The following CERS3 variants were observed in gnomAD, a reference collection of about 807,000 sequenced individuals.
CERS3 encodes ceramide synthase 3.
CERS3 carries 33 observed loss-of-function variants against 50.3 expected under a neutral mutation model. The ratio of observed to expected loss-of-function variants is 0.66; its 90% confidence interval spans 0.50 to 0.88. The LOEUF is 0.88. Among genes scored for constraint, CERS3 ranks in the 40% least tolerant of loss-of-function variants. The pLI is 0.00. For synonymous variants in CERS3, 176 were observed against 155.2 expected (o/e 1.13, Z -0.99); for missense variants, 470 against 460.3 (o/e 1.02, Z -0.19).
intron 11 of CERS3, among the ~76,000 whole-genome samples, chr15:100,430,749 A>G (rs2033085232): frequency 1.3e-5 from 2 of 152,246 alleles, no homozygotes; most frequent in South Asian, 4.1e-4. Flanking sequence ...TTTCTGAACT[A>G]CTAGCAAAGT....
intron 2 of CERS3, among the ~76,000 whole-genome samples, chr15:100,513,241 G>A (rs2036397643): frequency 6.6e-6 from 1 of 152,092 alleles, no homozygotes; most frequent in Admixed American, 6.5e-5. Flanking sequence ...TCTTAGAAAT[G>A]CTCCAGGCGG....
intron 4 of CERS3, among the ~76,000 whole-genome samples, chr15:100,486,980 T>C (rs147633600): frequency 3.2e-4 from 49 of 152,296 alleles, no homozygotes; most frequent in African/African-American, 1.1e-3. Flanking sequence ...GTCGAAGCTT[T>C]TTTTTTCTAT....
At position 100,469,415 on chromosome 15, in the gene CERS3, T is replaced by A. The variant is rs114499429; in HGVS notation, c.808A>T (p.Ile270Leu). The change falls in exon 10 of 12, where the codon ATA (isoleucine) becomes TTA (leucine). Residue 270 changes from isoleucine to leucine, a missense_variant. By Grantham distance (5) the Ile-to-Leu change is conservative. Coordinates refer to ENST00000679737, the MANE Select transcript of CERS3 (RefSeq NM_001378789.1). Reference sequence around the variant, plus strand: ...ACAATGAGGCGGCTGATGAAAAATATGGTGGAGAAGATGAAAAACAGGGTG... The same window carrying A: ...ACAATGAGGCGGCTGATGAAAAATAAGGTGGAGAAGATGAAAAACAGGGTG... ...CNTLFFIFST[I>L]FFISRLIVFP... 9.0e-5 allele frequency: 145 copies of A among 1,614,024 alleles called. 1 individual carries two copies. The East Asian group carries it at 3.2e-3, about 36-fold the overall frequency.
At chr15:100,418,195 A>T (rs1364320964) in intron 11 of CERS3, among the ~76,000 whole-genome samples, 1 of 152,082 alleles carries the variant, frequency 6.6e-6, no homozygotes, top group African/African-American at 2.4e-5. Context: ...AAAATTTAGA[A>T]GAATGTGTAA....
intron 2 of CERS3, among the ~76,000 whole-genome samples, chr15:100,505,153 T>G (rs772308750): frequency 2.0e-5 from 3 of 152,148 alleles, no homozygotes; most frequent in Admixed American, 6.5e-5. Context: ...ATTTAATAGA[T>G]AAGGACTCAG....
intron 11 of CERS3, among the ~76,000 whole-genome samples, chr15:100,448,345 G>T (rs567580015): frequency 7.2e-5 from 11 of 152,262 alleles, no homozygotes; most frequent in African/African-American, 2.4e-4. Context: ...AAAAAGGAAA[G>T]GGAAGCCAAG....
At chr15:100,490,022 T>A (rs2035605657) in intron 4 of CERS3, among the ~76,000 whole-genome samples, 1 of 152,214 alleles carries the variant, frequency 6.6e-6, no homozygotes, top group Non-Finnish European at 1.5e-5. Context: ...CCTAGAACTG[T>A]GTTAGCATAT....
intron 11 of CERS3, among the ~76,000 whole-genome samples, chr15:100,453,212 G>T (rs750279067): frequency 6.6e-6 from 1 of 151,932 alleles, no homozygotes; most frequent in South Asian, 2.1e-4. Flanking sequence ...AAATACTACA[G>T]GTCAATATCC....
intron 3 of CERS3, among the ~76,000 whole-genome samples, chr15:100,494,295 T>C (rs1459555710): frequency 1.4e-5 from 2 of 145,392 alleles, no homozygotes; most frequent in Non-Finnish European, 3.0e-5. Context: ...TCGCCCAGGC[T>C]GGAGTGCAGT....
intron 11 of CERS3, among the ~76,000 whole-genome samples, chr15:100,442,319 A>C (rs2033716568): frequency 6.6e-6 from 1 of 152,208 alleles, no homozygotes; most frequent in African/African-American, 2.4e-5. Context: ...CCAACATTAA[A>C]TAAAACTCCA....
At chr15:100,497,055 A>G (rs1403401569) in intron 3 of CERS3, among the ~76,000 whole-genome samples, 3 of 152,204 alleles carry the variant, frequency 2.0e-5, no homozygotes, top group African/African-American at 7.2e-5. Flanking sequence ...AAAAGAAGAA[A>G]GAAAAGGTCT....
chr15:100,479,805 G>A (rs1052633422), intron 6 of CERS3, among the ~76,000 whole-genome samples, 184 bp downstream of exon 6: 2 of 152,006 alleles, frequency 1.3e-5, no homozygotes, highest in African/African-American at 4.8e-5. Flanking sequence ...TTGTATTATT[G>A]CTTCTGCAGC....
At chr15:100,509,266 A>G (rs1252095555) in intron 2 of CERS3, among the ~76,000 whole-genome samples, 2 of 152,242 alleles carry the variant, frequency 1.3e-5, no homozygotes, top group Non-Finnish European at 2.9e-5. Context: ...TTGGGCCACA[A>G]GTTTATCACT....
chr15:100,435,972 C>A (rs910828274), intron 11 of CERS3, among the ~76,000 whole-genome samples: 3 of 152,136 alleles, frequency 2.0e-5, no homozygotes, highest in Non-Finnish European at 2.9e-5. Context: ...AGTTAGGAAA[C>A]AACAGATGCT....
At chr15:100,485,370 G>C (rs1012216728) in intron 4 of CERS3, among the ~76,000 whole-genome samples, 1 of 152,186 alleles carries the variant, frequency 6.6e-6, no homozygotes, top group African/African-American at 2.4e-5. Context: ...CAATATGAAT[G>C]ATAGATCTGC....
At chr15:100,414,507 C>T (rs1259195851) in intron 11 of CERS3, among the ~76,000 whole-genome samples, 1 of 152,144 alleles carries the variant, frequency 6.6e-6, no homozygotes, top group Non-Finnish European at 1.5e-5. Context: ...CTGGAGGAAT[C>T]ATGCTACCTG....
At chr15:100,440,475 T>C (rs2033628953) in intron 11 of CERS3, among the ~76,000 whole-genome samples, 1 of 152,178 alleles carries the variant, frequency 6.6e-6, no homozygotes, top group African/African-American at 2.4e-5. Flanking sequence ...CCAAATCCTA[T>C]AAAACGGCCC....
At chr15:100,440,318 A>G (rs906130753) in intron 11 of CERS3, among the ~76,000 whole-genome samples, 1 of 152,224 alleles carries the variant, frequency 6.6e-6, no homozygotes, top group African/African-American at 2.4e-5. Context: ...ATACACATCC[A>G]GATGGCCTGT....
At position 100,484,736 on chromosome 15, in the gene CERS3, C is replaced by T. The variant is rs934323264; in HGVS notation, c.289-68G>A. ...GTCAGACTGGCAGGCAGACAAGAGA[C>T]GGAGATTGAGTTACAAGAGCTTCGG... is the stretch of plus-strand genomic sequence containing the variant. On this transcript the variant is annotated intron_variant, in intron 4 of 11. Transcript: ENST00000679737. 4.3e-5 allele frequency: 50 copies of T among 1,171,856 alleles called. No individual in the cohort carries two copies. The East Asian group carries it at 5.9e-4, about 14-fold the overall frequency. 72.6% of individuals were successfully genotyped at this position (1,171,856 alleles called of 1,614,324 possible). A position where few individuals can be genotyped will look rare whatever the true frequency, so the allele number is the denominator to read the frequency against.
Sources: gnomAD v4.1 joint callset for allele counts (sites outside exome capture counted in the v4.1 genomes callset) on GRCh38, gnomAD v4.1.1 for gene constraint, MANE v1.5 for transcripts, NCBI Gene and HGNC (gene_info 2026-07-23, HGNC 2026-07-21) for gene names.